The following GALNT18 variants were observed in gnomAD, a reference collection of about 807,000 sequenced individuals.
GALNT18 encodes GalNAc-transferase 18.
In GALNT18, 44 loss-of-function variants were observed where a neutral mutation model predicts 69.5. The ratio of observed to expected loss-of-function variants is 0.63; its 90% CI spans 0.50 to 0.81. The LOEUF is 0.81. Among genes scored for constraint, GALNT18 ranks in the 40% least tolerant of loss-of-function variants. The pLI is 0.00. For synonymous variants in GALNT18, 364 were observed against 318.2 expected (o/e 1.14, Z -1.53); for missense variants, 715 against 810.0 (o/e 0.88, Z 1.42).
Position 11,600,654 on chromosome 11 carries a change from G to A in GALNT18, c.235+20705C>T, listed in dbSNP as rs891508224. Among the ~76,000 whole-genome samples the A allele has an allele frequency of 8.6e-5, 13 of 152,018 alleles. No homozygotes were observed. The highest frequency in any genetic ancestry group is 6.5e-5 in the Admixed American group (1 of 15,274). On this transcript the variant is annotated intron_variant, in intron 1 of 10. Transcript: ENST00000227756. This position sits in a 1 kb window ranked among gnomAD's most constrained non-coding sequence, Gnocchi z 4.8. ...TTTTATCCTATATGAACCTTGTTGA[G>A]CTTCTTGGATATAAAGATTAATATT...
At chr11:11,348,818 C>T (rs921859609) in intron 6 of GALNT18, among the ~76,000 whole-genome samples, 2 of 152,210 alleles carry the variant, frequency 1.3e-5, no homozygotes. Context: ...AGTTTTGGCT[C>T]ATGCCTTGGC....
In GALNT18 at chr11:11,591,312, C is replaced by T. The variant is rs1261179332; in HGVS notation, c.235+30047G>A. On this transcript the variant is annotated intron_variant, in intron 1 of 10. Coordinates refer to ENST00000227756, the MANE Select transcript of GALNT18 (RefSeq NM_198516.3). The surrounding 1 kb of genome is among the most constrained non-coding windows in gnomAD (Gnocchi z 4.8). The stretch of plus-strand genomic sequence containing the variant: ...TTATGAAGTTTGCACACTGATAATA[C>T]TGTGTTAACAATGCATTTCTCAGAA... Among the ~76,000 whole-genome samples, 2 of 152,184 alleles carry T rather than the reference C, an allele frequency of 1.3e-5. No individual in the cohort carries two copies. The highest frequency in any genetic ancestry group is 2.4e-5 in the African/African-American group (1 of 41,436).
At chr11:11,300,510 C>A (rs548170525) in intron 9 of GALNT18, among the ~76,000 whole-genome samples, 2 of 152,252 alleles carry the variant, frequency 1.3e-5, no homozygotes, top group African/African-American at 4.8e-5. Flanking sequence ...TTGGTTGCAG[C>A]CCAACAAGGA....
rs1171465315 is a variant in GALNT18 at position 11,468,666 on chromosome 11, G to A, written c.236-19730C>T. Among the ~76,000 whole-genome samples, 4 of 152,142 alleles carry A rather than the reference G, an allele frequency of 2.6e-5. No homozygotes were observed. In the East Asian group the frequency reaches 7.7e-4, roughly 29 times the overall value. On this transcript the variant is annotated intron_variant, in intron 1 of 10. Transcript: ENST00000227756. ...GAGGATCTCAGGGACTCTTCATTGA[G>A]CCCCACTTTCCTGAGTCACTTGTAG...
rs149139697 is a variant in GALNT18 at position 11,555,121 on chromosome 11, G to A, written c.235+66238C>T. Among the ~76,000 whole-genome samples, 528 of 152,270 alleles carry A rather than the reference G, an allele frequency of 3.5e-3. 2 individuals carry two copies. The highest frequency in any genetic ancestry group is 7.4e-3 in the Admixed American group (113 of 15,300). ...GACACTTAAAGAGGCTAAGAAATTCGGAGTCATCGGGACTTGAACTAAGGA... is the reference window on the plus strand; with the variant it reads ...GACACTTAAAGAGGCTAAGAAATTCAGAGTCATCGGGACTTGAACTAAGGA... On this transcript the variant is annotated intron_variant, in intron 1 of 10. Transcript: ENST00000227756. This position sits in a 1 kb window ranked among gnomAD's most constrained non-coding sequence, Gnocchi z 4.7.
intron 1 of GALNT18, among the ~76,000 whole-genome samples, chr11:11,550,584 A>T (rs1415799066): frequency 6.6e-6 from 1 of 152,154 alleles, no homozygotes; most frequent in African/African-American, 2.4e-5. Flanking sequence ...GTTGTCCTAG[A>T]TTCTCAGATT....
At chr11:11,350,561 T>A (rs571164642) in intron 6 of GALNT18, among the ~76,000 whole-genome samples, 32 of 152,222 alleles carry the variant, frequency 2.1e-4, no homozygotes, top group Non-Finnish European at 3.1e-4. Context: ...AGTAGAGTGG[T>A]CTCCAAAGGT....
chr11:11,460,180 G>C (rs1486543953), intron 1 of GALNT18, among the ~76,000 whole-genome samples: 1 of 152,150 alleles, frequency 6.6e-6, no homozygotes, highest in Admixed American at 6.5e-5. Context: ...TGCAACCTTA[G>C]TTCCCTTTTG....
intron 1 of GALNT18, among the ~76,000 whole-genome samples, chr11:11,513,304 A>AATT: frequency 6.6e-6 from 1 of 152,328 alleles, no homozygotes; most frequent in South Asian, 2.1e-4. Flanking sequence ...GAAGAAAAGG[A>AATT]ATTAGCACAG....
intron 9 of GALNT18, 56 bp downstream of exon 9, chr11:11,327,030 C>T: frequency 7.8e-7 from 1 of 1,273,938 alleles, no homozygotes; most frequent in South Asian, 1.2e-5. Flanking sequence ...CTCTCCTTCC[C>T]CATGCCAGGC....
intron 1 of GALNT18, among the ~76,000 whole-genome samples, chr11:11,452,400 G>A (rs1030947540): frequency 3.9e-5 from 6 of 152,340 alleles, no homozygotes; most frequent in Admixed American, 3.9e-4. Context: ...TTGGCACGGT[G>A]CCTGGCACAT....
At chr11:11,424,700 G>A (rs1855087729) in intron 3 of GALNT18, among the ~76,000 whole-genome samples, 1 of 152,116 alleles carries the variant, frequency 6.6e-6, no homozygotes, top group African/African-American at 2.4e-5. Flanking sequence ...GCAGGATAAG[G>A]AGGAGCCAGG....
At position 11,621,787 on chromosome 11, in the gene GALNT18, A is replaced by T; in HGVS notation, c.-194T>A. The T allele has an allele frequency of 3.4e-6, 2 of 594,676 alleles. No individual in the cohort carries two copies. Among genetic ancestry groups the T allele is most frequent in the South Asian group, 4.1e-5 (2 of 49,074 alleles). The allele number at this position is 594,676 out of a possible 1,614,324, so 36.8% of individuals were successfully genotyped here. A position where few individuals can be genotyped will look rare whatever the true frequency, so the allele number is the denominator to read the frequency against. On this transcript the variant is annotated 5_prime_UTR_variant, in exon 1 of 11. Coordinates refer to ENST00000227756, the MANE Select transcript of GALNT18 (RefSeq NM_198516.3). This position sits in a 1 kb window ranked among gnomAD's most constrained non-coding sequence, Gnocchi z 9.3. ...AAGTTTGCAGCTCCTGCCGCTGGCC[A>T]CCCGGAGAGACCTTGACAAAGGAAA...
chr11:11,304,020 C>A (rs1032296688), intron 9 of GALNT18, among the ~76,000 whole-genome samples: 1 of 152,168 alleles, frequency 6.6e-6, no homozygotes, highest in African/African-American at 2.4e-5. Context: ...TGGGACTCTG[C>A]CACCCTGACC....
intron 1 of GALNT18, among the ~76,000 whole-genome samples, chr11:11,477,948 G>A (rs1310568720): frequency 6.6e-6 from 1 of 152,152 alleles, no homozygotes; most frequent in Non-Finnish European, 1.5e-5. Flanking sequence ...ATTAGGAACT[G>A]ATCCCTTTGG....
chr11:11,291,314 T>A (rs956566673), intron 10 of GALNT18, among the ~76,000 whole-genome samples: 1 of 146,452 alleles, frequency 6.8e-6, no homozygotes, highest in African/African-American at 2.5e-5. Context: ...TGATGAGAAG[T>A]AAGAGAGAAT....
Position 11,538,278 on chromosome 11 carries a change from T to C in GALNT18, c.235+83081A>G, listed in dbSNP as rs556322639. On this transcript the variant is annotated intron_variant, in intron 1 of 10. Coordinates refer to ENST00000227756, the MANE Select transcript of GALNT18 (RefSeq NM_198516.3). The surrounding 1 kb of genome is among the most constrained non-coding windows in gnomAD (Gnocchi z 5.2). ...CGAACAGCCCGCCCTGCCACCACCATCCCCAGGGCTATGATGGGGCTGGGA... is the reference window on the plus strand; with the variant it reads ...CGAACAGCCCGCCCTGCCACCACCACCCCCAGGGCTATGATGGGGCTGGGA... Among the ~76,000 whole-genome samples, 13 of 152,224 alleles carry C rather than the reference T, an allele frequency of 8.5e-5. No homozygotes were observed. The South Asian group carries it at 2.7e-3, about 32-fold the overall frequency.
chr11:11,577,800 A>G (rs946197663), intron 1 of GALNT18, among the ~76,000 whole-genome samples: 3 of 152,222 alleles, frequency 2.0e-5, no homozygotes, highest in Non-Finnish European at 4.4e-5. Context: ...TGGTTTGGGA[A>G]GTGATTAAAT....
chr11:11,397,966 GC>G (rs1854373621), intron 3 of GALNT18, among the ~76,000 whole-genome samples: 1 of 152,180 alleles, frequency 6.6e-6, no homozygotes, highest in Non-Finnish European at 1.5e-5. Flanking sequence ...TTGCATCCAT[GC>G]CTGGGAGACT....
Sources: allele counts gnomAD v4.1 joint callset (sites outside exome capture counted in the v4.1 genomes callset), GRCh38; gene constraint gnomAD v4.1.1; non-coding constraint Gnocchi (gnomAD v3.1); transcripts MANE v1.5; gene names NCBI Gene and HGNC (gene_info 2026-07-23, HGNC 2026-07-21).